The following NOD1 variants were observed in gnomAD, a reference collection of about 807,000 sequenced individuals.
NOD1 encodes the protein nucleotide binding oligomerization domain containing 1, also known as nucleotide-binding oligomerization domain-containing protein 1.
NOD1 carries 70 observed loss-of-function variants against 81.2 expected under a neutral mutation model. The observed-to-expected ratio is 0.86, with a 90% CI of 0.71 to 1.05. The LOEUF is 1.05. NOD1 is among the 50% of genes least tolerant of loss of function. The pLI, the probability that NOD1 is intolerant of heterozygous loss-of-function variation, is 0.00. For synonymous variants in NOD1, 508 were observed against 526.9 expected (o/e 0.96, Z 0.49); for missense variants, 1,233 against 1,228.0 (o/e 1.00, Z -0.06).
intron 1 of NOD1, among the ~76,000 whole-genome samples, chr7:30,469,815 A>G (rs373758065): frequency 6.2e-4 from 95 of 152,340 alleles, no homozygotes; most frequent in African/African-American, 1.9e-3. Flanking sequence ...CTAGCATCCA[A>G]GTCTCCTGGC....
intron 1 of NOD1, among the ~76,000 whole-genome samples, chr7:30,465,545 T>C (rs1177719935): frequency 6.6e-6 from 1 of 152,152 alleles, no homozygotes; most frequent in East Asian, 1.9e-4. Context: ...TCCCAACTGA[T>C]GGGGCCAGAT....
intron 9 of NOD1, among the ~76,000 whole-genome samples, chr7:30,445,128 G>A (rs1784901813): frequency 1.5e-5 from 1 of 68,530 alleles, no homozygotes; most frequent in Non-Finnish European, 2.6e-5. Flanking sequence ...GGGGGAGGGG[G>A]GAGGGATAGC....
chr7:30,425,605 G>A lies in NOD1; in HGVS notation c.*33C>T, dbSNP rs1387167072. The A allele has an allele frequency of 6.4e-7, 1 of 1,558,168 alleles. No individual in the cohort carries two copies. Among genetic ancestry groups the A allele is most frequent in the Admixed American group, 1.7e-5 (1 of 59,940 alleles). On this transcript the variant is annotated 3_prime_UTR_variant, in exon 14 of 14. Transcript: ENST00000222823. ...AGTGGCATTTGCTGCTGAGGCTCCA[G>A]GGCAAAAACCCCATGAACAGGAAAG...
chr7:30,433,770 G>A (rs1300192701), intron 11 of NOD1, among the ~76,000 whole-genome samples: 3 of 151,990 alleles, frequency 2.0e-5, no homozygotes, highest in African/African-American at 4.8e-5. Flanking sequence ...GCCAGTGGAC[G>A]AAAGAATCAT....
rs539985745 is a variant in NOD1 at position 30,469,435 on chromosome 7, GTCTC to G, written c.-352+9167_-352+9170del. ...CTCTTCCCTCCCTCTAGCTCCCTCT[GTCTC>G]TCATACAAAGTACCTTATAGTGTGA... On this transcript the variant is annotated intron_variant, in intron 1 of 13. Coordinates refer to ENST00000222823, the MANE Select transcript of NOD1 (RefSeq NM_006092.4). Among the ~76,000 whole-genome samples, 55 of 151,988 alleles carry G rather than the reference GTCTC, an allele frequency of 3.6e-4. 1 individual carries two copies. In the South Asian group the frequency reaches 0.01, roughly 29 times the overall value.
rs1246182460 is a variant in NOD1, at chr7:30,478,526, T to C, written c.-352+80A>G. ...GTTCCGCCCGCACGCAAATCCCGCC[T>C]CCCTGCGCCTCCTCACTCGCAGCGC... On this transcript the variant is annotated intron_variant, in intron 1 of 13. Coordinates refer to ENST00000222823, the MANE Select transcript of NOD1 (RefSeq NM_006092.4). The surrounding 1 kb of genome is among the most constrained non-coding windows in gnomAD (Gnocchi z 4.1). 1 of 152,382 alleles carries C rather than the reference T, an allele frequency of 6.6e-6. No homozygotes were observed. Among genetic ancestry groups the C allele is most frequent in the Non-Finnish European group, 1.5e-5 (1 of 68,254 alleles). 9.4% of individuals were successfully genotyped at this position (152,382 alleles called of 1,614,324 possible).
intron 1 of NOD1, chr7:30,469,288 T>C (rs1225738990): frequency 1.5e-5 from 14 of 961,930 alleles, no homozygotes; most frequent in Admixed American, 6.2e-5. Context: ...TTTAACTCCA[T>C]TGACACTCAC....
At chr7:30,437,795 G>C in intron 9 of NOD1, 139 bp from the exon 10 acceptor site, 1 of 593,946 alleles carries the variant, frequency 1.7e-6, no homozygotes, top group South Asian at 2.3e-5. Context: ...CTGTGGCCTG[G>C]ACACTAATTC....
intron 1 of NOD1, among the ~76,000 whole-genome samples, chr7:30,472,093 G>A (rs1654036513): frequency 6.6e-6 from 1 of 152,218 alleles, no homozygotes; most frequent in South Asian, 2.1e-4. Context: ...ATAAATAGAA[G>A]TGACTAATGA....
rs1181618600 is a variant in NOD1 at position 30,451,164 on chromosome 7, C to T, written c.2201+52G>A. The T allele has an allele frequency of 5.6e-5, 88 of 1,575,694 alleles. No individual in the cohort carries two copies. The highest frequency in any genetic ancestry group is 7.1e-5 in the Non-Finnish European group (82 of 1,161,216). ...CCATGATGCCATTCCCGATGCCCTC[C>T]GAGCCTGGCCCGCCCGGCCCACCTG... On this transcript the variant is annotated intron_variant, in intron 6 of 13. Transcript: ENST00000222823. The surrounding 1 kb of genome is among the most constrained non-coding windows in gnomAD (Gnocchi z 4.2).
At chr7:30,462,043 T>C (rs911218888) in intron 1 of NOD1, among the ~76,000 whole-genome samples, 2 of 152,178 alleles carry the variant, frequency 1.3e-5, no homozygotes, top group Admixed American at 6.5e-5. Flanking sequence ...TGGCCAGGAA[T>C]GATCTTAATT....
chr7:30,454,332 T>C lies in NOD1; in HGVS notation c.376+805A>G, dbSNP rs1670532516. Among the ~76,000 whole-genome samples, 5 of 152,206 alleles carry C rather than the reference T, an allele frequency of 3.3e-5. 1 individual carries two copies. The South Asian group carries it at 8.3e-4, about 25-fold the overall frequency. On this transcript the variant is annotated intron_variant, in intron 5 of 13. Transcript: ENST00000222823. ...CCAGAGCAGATCCTGGCCCTAATGA[T>C]ATGTTCTCACATGCCTTGGACTGCC...
At chr7:30,436,707 A>G (rs1784410532) in intron 10 of NOD1, among the ~76,000 whole-genome samples, 1 of 152,198 alleles carries the variant, frequency 6.6e-6, no homozygotes, top group South Asian at 2.1e-4. Context: ...CCAGCAAGGG[A>G]CATGCAGGGA....
At chr7:30,437,945 A>T (rs1044439651) in intron 9 of NOD1, among the ~76,000 whole-genome samples, 9 of 152,206 alleles carry the variant, frequency 5.9e-5, no homozygotes, top group African/African-American at 2.2e-4. Context: ...CGAGCTTCGG[A>T]GAGCTGTCAG....
At chr7:30,474,270 A>G (rs1387634591) in intron 1 of NOD1, among the ~76,000 whole-genome samples, 1 of 152,248 alleles carries the variant, frequency 6.6e-6, no homozygotes, top group Non-Finnish European at 1.5e-5. Flanking sequence ...GTGATGTGCT[A>G]AGCACTTTAC....
intron 4 of NOD1, among the ~76,000 whole-genome samples, chr7:30,456,004 C>T (rs1786331805): frequency 2.0e-5 from 3 of 152,184 alleles, no homozygotes; most frequent in African/African-American, 7.2e-5. Flanking sequence ...CTGGGCCACA[C>T]AGTAGGAGGG....
chr7:30,473,934 G>A (rs1455744845), intron 1 of NOD1, among the ~76,000 whole-genome samples: 3 of 152,166 alleles, frequency 2.0e-5, no homozygotes, highest in Non-Finnish European at 4.4e-5. Context: ...GCACAGGGGC[G>A]CTGGGAAGAT....
chr7:30,450,665 T>A (rs1785595879), intron 6 of NOD1, among the ~76,000 whole-genome samples: 1 of 152,172 alleles, frequency 6.6e-6, no homozygotes, highest in Non-Finnish European at 1.5e-5. Context: ...TCTGCAGTAA[T>A]AAAAGCTCCC....
intron 12 of NOD1, among the ~76,000 whole-genome samples, chr7:30,431,490 C>T (rs1212199913): frequency 6.6e-6 from 1 of 152,180 alleles, no homozygotes; most frequent in African/African-American, 2.4e-5. Flanking sequence ...GAAATAAACC[C>T]ATACATTTAT....
Sources: gnomAD v4.1 joint callset for allele counts (sites outside exome capture counted in the v4.1 genomes callset) on GRCh38, gnomAD v4.1.1 for gene constraint, Gnocchi (gnomAD v3.1) non-coding constraint, MANE v1.5 for transcripts, NCBI Gene and HGNC (gene_info 2026-07-23, HGNC 2026-07-21) for gene names.